ALK: variants seen among roughly 807,000 people sequenced by gnomAD.
ALK encodes ALK tyrosine kinase receptor.
A neutral mutation model predicts 163.1 loss-of-function variants in ALK; 74 were observed. The observed-to-expected ratio is 0.45, with a 90% CI of 0.38 to 0.55. The LOEUF (loss-of-function observed/expected upper bound fraction) is 0.55, where lower values mean the gene tolerates loss of function less well. Ranked by LOEUF, ALK falls within the 20% of genes least tolerant of loss-of-function variation. ALK has a pLI of 0.00. For missense variants in ALK, 2,063 were observed against 2,105.3 expected, an observed-to-expected ratio of 0.98 and a Z score of 0.39; for synonymous variants, 960 against 843.2, an observed-to-expected ratio of 1.14 and a Z score of -2.40.
At chr2:29,825,879 A>G (rs1463158456) in intron 1 of ALK, among the ~76,000 whole-genome samples, 1 of 152,180 alleles carries the variant, frequency 6.6e-6, no homozygotes, top group East Asian at 1.9e-4. Flanking sequence ...GTTAGAATCA[A>G]AACAACAAAA....
At chr2:29,480,571 T>C (rs1671637386) in intron 4 of ALK, among the ~76,000 whole-genome samples, 1 of 152,138 alleles carries the variant, frequency 6.6e-6, no homozygotes, top group Admixed American at 6.5e-5. Flanking sequence ...CTCTGCTTTT[T>C]ATTGCCCCGT....
chr2:29,721,232 C>G (rs1679412369), intron 1 of ALK, among the ~76,000 whole-genome samples: 2 of 152,212 alleles, frequency 1.3e-5, no homozygotes, highest in Non-Finnish European at 2.9e-5. Context: ...TATCATCCCC[C>G]TAATGTCCTC....
chr2:29,800,685 TAAC>T (rs1664443877), intron 1 of ALK, among the ~76,000 whole-genome samples: 1 of 152,122 alleles, frequency 6.6e-6, no homozygotes, highest in South Asian at 2.1e-4. Context: ...ACCTCAGACT[TAAC>T]AACAAGCTCT....
chr2:29,448,209 C>T (rs1486894554), intron 4 of ALK, among the ~76,000 whole-genome samples: 3 of 152,202 alleles, frequency 2.0e-5, no homozygotes, highest in African/African-American at 7.2e-5. Context: ...TCAGAGCCTG[C>T]TTGTGTGCTG....
chr2:29,728,103 A>C (rs76202777), intron 1 of ALK, among the ~76,000 whole-genome samples: 1 of 151,708 alleles, frequency 6.6e-6, no homozygotes, highest in Admixed American at 6.5e-5. Context: ...TTTAAGCTGC[A>C]ATACTCTGGG....
At chr2:29,428,990 T>C (rs1670210118) in intron 4 of ALK, among the ~76,000 whole-genome samples, 1 of 151,826 alleles carries the variant, frequency 6.6e-6, no homozygotes, top group Non-Finnish European at 1.5e-5. Context: ...ATCAGTAGAG[T>C]AGAAAACAAA....
chr2:29,836,814 C>T (rs559100892), intron 1 of ALK, among the ~76,000 whole-genome samples: 1 of 152,284 alleles, frequency 6.6e-6, no homozygotes, highest in East Asian at 1.9e-4. Context: ...ATATGGAGCT[C>T]TTAGGTAATC....
chr2:29,387,310 A>AATTGT (rs1490448083), intron 4 of ALK, among the ~76,000 whole-genome samples: 1 of 152,208 alleles, frequency 6.6e-6, no homozygotes, highest in African/African-American at 2.4e-5. Flanking sequence ...TTTTCTGATC[A>AATTGT]ATTGTATTCT....
At chr2:29,294,106 C>T (rs1346160384) in intron 9 of ALK, among the ~76,000 whole-genome samples, 3 of 152,186 alleles carry the variant, frequency 2.0e-5, no homozygotes, top group Admixed American at 1.3e-4. Context: ...CAGGTGTTAC[C>T]GCCTACCTCA....
At chr2:29,247,003 G>A (rs907249993) in intron 12 of ALK, among the ~76,000 whole-genome samples, 2 of 152,174 alleles carry the variant, frequency 1.3e-5, no homozygotes, top group African/African-American at 2.4e-5. Context: ...TGTGCTCACC[G>A]CAGGCTCTGG....
intron 4 of ALK, among the ~76,000 whole-genome samples, chr2:29,474,786 C>A (rs888224124): frequency 6.6e-5 from 10 of 151,438 alleles, no homozygotes; most frequent in African/African-American, 2.4e-4. Flanking sequence ...TTAGTTCAGG[C>A]TGATTTTCTA....
In ALK at chr2:29,581,068, G is replaced by A. The variant is rs1674676235; in HGVS notation, c.953-48952C>T. Among the ~76,000 whole-genome samples, 3 of 152,304 alleles carry A rather than the reference G, an allele frequency of 2.0e-5. No homozygotes were observed. The South Asian group carries it at 6.2e-4, about 32-fold the overall frequency. ...TGGCATCAAGATTCCTTTCCAAGAA[G>A]TTGTCACACATGTTTCAGAGACAGA... On this transcript the variant is annotated intron_variant, in intron 3 of 28. Coordinates refer to ENST00000389048, the MANE Select transcript of ALK (RefSeq NM_004304.5).
chr2:29,284,840 G>A (rs186109666), intron 9 of ALK, among the ~76,000 whole-genome samples: 118 of 152,296 alleles, frequency 7.7e-4, no homozygotes, highest in Non-Finnish European at 4.7e-4. Flanking sequence ...TGCACATCGT[G>A]TGCTGAGCCA....
At chr2:29,640,347 T>C (rs12615561) in intron 3 of ALK, among the ~76,000 whole-genome samples, 95,739 of 151,690 alleles carry the variant, frequency 0.63, 31,169 homozygotes, top group East Asian at 0.72. Context: ...TTGGCACCGG[T>C]CCCATGGCAC....
chr2:29,372,028 T>C (rs563726988), intron 5 of ALK, among the ~76,000 whole-genome samples: 1 of 152,354 alleles, frequency 6.6e-6, no homozygotes, highest in South Asian at 2.1e-4. Context: ...ACTCAATACA[T>C]AGCCATGCTA....
At chr2:29,756,136 C>T (rs775759151) in intron 1 of ALK, among the ~76,000 whole-genome samples, 60 of 152,320 alleles carry the variant, frequency 3.9e-4, no homozygotes, top group Admixed American at 3.3e-3. Flanking sequence ...GGGCCTACCC[C>T]GCCTCCAGGC....
At chr2:29,275,792 C>A (rs1046104937) in intron 9 of ALK, among the ~76,000 whole-genome samples, 6 of 152,114 alleles carry the variant, frequency 3.9e-5, no homozygotes, top group African/African-American at 4.8e-5. Context: ...GAGGAGAAAT[C>A]TTTTGCTTTC....
chr2:29,770,300 G>C (rs1006011273), intron 1 of ALK, among the ~76,000 whole-genome samples: 1 of 152,212 alleles, frequency 6.6e-6, no homozygotes, highest in Non-Finnish European at 1.5e-5. Context: ...GCTTTTCCAA[G>C]GGGATTTGAA....
intron 4 of ALK, among the ~76,000 whole-genome samples, chr2:29,452,224 C>T (rs1670836891): frequency 6.6e-6 from 1 of 152,160 alleles, no homozygotes; most frequent in South Asian, 2.1e-4. Context: ...CCATGCCTGG[C>T]TGATTTCCTT....
Sources: gnomAD v4.1 joint callset for allele counts (sites outside exome capture counted in the v4.1 genomes callset) on GRCh38, gnomAD v4.1.1 for gene constraint, MANE v1.5 for transcripts, NCBI Gene and HGNC (gene_info 2026-07-23, HGNC 2026-07-21) for gene names.